Variants in DUSP11 observed in about 807,000 individuals in gnomAD.
DUSP11 encodes RNA/RNP complex-1-interacting phosphatase.
In DUSP11, 27 loss-of-function variants were observed where a neutral mutation model predicts 41.4. The ratio of observed to expected loss-of-function variants is 0.65; its 90% CI spans 0.48 to 0.90. The LOEUF is 0.90. Ranked by LOEUF, DUSP11 falls within the 40% of genes least tolerant of loss-of-function variation. The pLI, the probability that DUSP11 is intolerant of heterozygous loss-of-function variation, is 0.00. For synonymous variants in DUSP11, 188 were observed against 159.3 expected, an observed-to-expected ratio of 1.18 and a Z score of -1.35; for missense variants, 465 against 461.1, an observed-to-expected ratio of 1.01 and a Z score of -0.08.
chr2:73,780,097 G>C (rs769290762), exon 1 of DUSP11: 9 of 1,565,508 alleles, frequency 5.7e-6, no homozygotes, highest in Non-Finnish European at 7.8e-6. Flanking sequence ...CCGCGCTCCA[G>C]CGTCTCGCTA....
chr2:73,772,985 A>G (rs1393890587), intron 4 of DUSP11, among the ~76,000 whole-genome samples: 1 of 152,238 alleles, frequency 6.6e-6, no homozygotes, highest in East Asian at 1.9e-4. Flanking sequence ...AGGCAAATGA[A>G]GCCTCTGTCC....
chr2:73,763,725 C>CA (rs1320150142), intron 8 of DUSP11, among the ~76,000 whole-genome samples: 7 of 149,450 alleles, frequency 4.7e-5, no homozygotes, highest in East Asian at 1.9e-4. Flanking sequence ...CTCCATCTTA[C>CA]AAAAAAAAAT....
intron 8 of DUSP11, among the ~76,000 whole-genome samples, chr2:73,764,006 T>G (rs569461023): frequency 6.6e-6 from 1 of 152,190 alleles, no homozygotes; most frequent in African/African-American, 2.4e-5. Flanking sequence ...CAACCACAAA[T>G]AATGCTGGGA....
At chr2:73,779,431 A>C (rs1201908615) in intron 1 of DUSP11, 1 of 189,150 alleles carries the variant, frequency 5.3e-6, no homozygotes, top group Non-Finnish European at 1.1e-5. Context: ...TTAGGAAGTA[A>C]CAAAGTATGC....
intron 4 of DUSP11, among the ~76,000 whole-genome samples, chr2:73,771,393 T>A (rs1276789294): frequency 5.9e-5 from 9 of 152,216 alleles, no homozygotes; most frequent in Non-Finnish European, 1.3e-4. Flanking sequence ...AAAATTCTCA[T>A]CCCTGCAGCT....
chr2:73,766,347 T>G, intron 8 of DUSP11, 71 bp downstream of exon 8: 1 of 1,286,382 alleles, frequency 7.8e-7, no homozygotes, highest in Non-Finnish European at 1.1e-6. Flanking sequence ...ATCAGTATCA[T>G]AATGTGTTTT....
At chr2:73,762,620 C>T in exon 9 of DUSP11, 2 of 1,515,118 alleles carry the variant, frequency 1.3e-6, no homozygotes, top group Middle Eastern at 2.2e-4. Context: ...AATTTTCAGG[C>T]CAGCTCTGGT....
chr2:73,778,813 G>A (rs930012338), intron 1 of DUSP11, among the ~76,000 whole-genome samples: 2 of 152,120 alleles, frequency 1.3e-5, no homozygotes, highest in Non-Finnish European at 2.9e-5. Flanking sequence ...TATTTTAAGA[G>A]AAAACCTGCT....
At chr2:73,766,435 A>C (rs1027295210) in exon 8 of DUSP11, 3 of 1,610,938 alleles carry the variant, frequency 1.9e-6, no homozygotes, top group Non-Finnish European at 2.5e-6. Flanking sequence ...ATTGTTGCAA[A>C]CTTTGGGTCT....
Position 73,768,679 on chromosome 2 carries a change from A to G in DUSP11, c.635+586T>C, listed in dbSNP as rs1047265508. On this transcript the variant is annotated intron_variant, in intron 5 of 8. Transcript: ENST00000272444. ...CTTAAAAAGAATAAGGAGTCTGGCC[A>G]GGCGCGGTGGCTCACTCCTGTAATA... 1.3e-4 allele frequency: 130 copies of G among 985,436 alleles called. 3 individuals are homozygous for G. In the South Asian group the frequency reaches 4.5e-3, roughly 34 times the overall value. 61.0% of individuals were successfully genotyped at this position (985,436 alleles called of 1,614,324 possible). A position where few individuals can be genotyped will look rare whatever the true frequency, so the allele number is the denominator to read the frequency against.
At chr2:73,765,044 G>A (rs1274875741) in intron 8 of DUSP11, among the ~76,000 whole-genome samples, 1 of 152,182 alleles carries the variant, frequency 6.6e-6, no homozygotes, top group African/African-American at 2.4e-5. Flanking sequence ...TTAATTTTAG[G>A]TGTCAAGTTG....
chr2:73,778,361 G>A (rs749572997), exon 2 of DUSP11: 2 of 1,544,636 alleles, frequency 1.3e-6, no homozygotes, highest in East Asian at 2.5e-5. Context: ...GTCCAACTGG[G>A]AGATAGTCTT....
At chr2:73,771,827 CTT>C (rs1358176035) in intron 4 of DUSP11, among the ~76,000 whole-genome samples, 2 of 134,932 alleles carry the variant, frequency 1.5e-5, no homozygotes, top group African/African-American at 2.8e-5. Flanking sequence ...TAACCCACAT[CTT>C]TTTTTTTTTG....
chr2:73,773,557 A>G (rs1055333323), intron 4 of DUSP11: 2 of 416,990 alleles, frequency 4.8e-6, no homozygotes, highest in African/African-American at 2.1e-5. Flanking sequence ...CATTCAAATT[A>G]AAAAAGAAAG....
At chr2:73,768,438 G>A in intron 5 of DUSP11, 1 of 984,480 alleles carries the variant, frequency 1.0e-6, no homozygotes, top group South Asian at 4.7e-5. Context: ...TTTTCTGAAT[G>A]AACAAACATA....
At chr2:73,762,559 G>A in exon 9 of DUSP11, 1 of 834,726 alleles carries the variant, frequency 1.2e-6, no homozygotes, top group Non-Finnish European at 1.8e-6. Context: ...ATACATAAGG[G>A]AACAATAAAG....
intron 4 of DUSP11, chr2:73,773,508 A>G (rs1672624077): frequency 2.8e-6 from 1 of 360,616 alleles, no homozygotes; most frequent in Non-Finnish European, 5.3e-6. Flanking sequence ...CTTAACCAAT[A>G]TAGAAGACAA....
Position 73,763,459 on chromosome 2 carries a change from C to T in DUSP11, c.936-600G>A, listed in dbSNP as rs180769217. Among the ~76,000 whole-genome samples, 550 of 152,302 alleles carry T rather than the reference C, an allele frequency of 3.6e-3. 6 individuals are homozygous for T. Among genetic ancestry groups the T allele is most frequent in the African/African-American group, 0.013 (524 of 41,558 alleles). The stretch of plus-strand genomic sequence containing the variant: ...AAATTTGGGGCTGGGCGTGGTGGCT[C>T]GCACTTGTAATCCCAGCACTTTGGG... On this transcript the variant is annotated intron_variant, in intron 8 of 8. Transcript: ENST00000272444.
Position 73,772,110 on chromosome 2 carries a change from G to A in DUSP11, c.574+1690C>T, listed in dbSNP as rs563143737. Among the ~76,000 whole-genome samples the A allele has an allele frequency of 3.1e-4, 47 of 152,288 alleles. 1 individual carries two copies. Among genetic ancestry groups the A allele is most frequent in the Admixed American group, 1.6e-3 (25 of 15,294 alleles). ...GCTGGGATTACAGGCATGAGCCACC[G>A]CGCCCAGCCTAACCCACATCTTAAA... On this transcript the variant is annotated intron_variant, in intron 4 of 8. Coordinates refer to ENST00000272444, the Ensembl canonical transcript of DUSP11.
Sources: gnomAD v4.1 joint callset for allele counts (sites outside exome capture counted in the v4.1 genomes callset) on GRCh38, gnomAD v4.1.1 for gene constraint, MANE v1.5 for transcripts, NCBI Gene and HGNC (gene_info 2026-07-23, HGNC 2026-07-21) for gene names.